ATRN: variants seen among roughly 807,000 people sequenced by gnomAD.
The protein encoded by ATRN is attractin-2.
A neutral mutation model predicts 178.7 loss-of-function variants in ATRN; 54 were observed. The observed-to-expected ratio is 0.30, with a 90% CI of 0.24 to 0.38. The LOEUF is 0.38. Among genes scored for constraint, ATRN ranks in the 10% least tolerant of loss-of-function variants. ATRN has a pLI of 1.00. For synonymous variants in ATRN, 636 were observed against 663.0 expected, an observed-to-expected ratio of 0.96 and a Z score of 0.63; for missense variants, 1,443 against 1,815.1, an observed-to-expected ratio of 0.79 and a Z score of 3.73.
At chr20:3,497,125 T>A (rs1203661233) in intron 1 of ATRN, among the ~76,000 whole-genome samples, 2 of 149,846 alleles carry the variant, frequency 1.3e-5, no homozygotes, top group Admixed American at 1.3e-4. Context: ...AATTTGCCAG[T>A]CTGTGTCTTT....
intron 24 of ATRN, among the ~76,000 whole-genome samples, chr20:3,618,842 G>GGTGGTT (rs10668675): frequency 7.9e-5 from 12 of 151,878 alleles, no homozygotes; most frequent in African/African-American, 1.5e-4. Flanking sequence ...TGGTGGTGGT[G>GGTGGTT]GTTTTGTTTC....
intron 11 of ATRN, among the ~76,000 whole-genome samples, chr20:3,566,707 C>T (rs2086040753): frequency 6.6e-6 from 1 of 151,858 alleles, no homozygotes; most frequent in Admixed American, 6.6e-5. Context: ...AGTTCCAGAC[C>T]ACCCTGGTCA....
chr20:3,579,353 G>A (rs1271546283), intron 15 of ATRN, among the ~76,000 whole-genome samples: 3 of 152,266 alleles, frequency 2.0e-5, no homozygotes, highest in South Asian at 4.2e-4. Flanking sequence ...AGGCATGGTG[G>A]TGTGCGCCTG....
intron 15 of ATRN, among the ~76,000 whole-genome samples, chr20:3,579,171 A>G (rs2086249531): frequency 6.6e-6 from 1 of 152,066 alleles, no homozygotes; most frequent in African/African-American, 2.4e-5. Context: ...AGTGCATAAG[A>G]CTGTATAATT....
At chr20:3,608,504 A>G (rs1218295814) in intron 24 of ATRN, among the ~76,000 whole-genome samples, 2 of 152,124 alleles carry the variant, frequency 1.3e-5, no homozygotes. Flanking sequence ...CATTATTGAA[A>G]ACCAGTTGGC....
At chr20:3,620,632 T>G (rs143656464) in intron 24 of ATRN, among the ~76,000 whole-genome samples, 110 of 152,190 alleles carry the variant, frequency 7.2e-4, no homozygotes, top group Non-Finnish European at 9.0e-4. Context: ...CTTAAAGATA[T>G]AGAGACAGGG....
intron 22 of ATRN, among the ~76,000 whole-genome samples, chr20:3,599,250 T>C (rs1050906079): frequency 3.3e-5 from 5 of 152,190 alleles, no homozygotes; most frequent in African/African-American, 1.2e-4. Flanking sequence ...AAAAGTACCA[T>C]ATATGAAATG....
intron 24 of ATRN, among the ~76,000 whole-genome samples, chr20:3,613,945 T>C (rs2086802884): frequency 6.6e-6 from 1 of 152,196 alleles, no homozygotes; most frequent in East Asian, 1.9e-4. Flanking sequence ...TGTGTAAGCA[T>C]TGGGGCTTTA....
chr20:3,645,977 G>A lies in ATRN; in HGVS notation c.4166-746G>A, dbSNP rs1027564673. On this transcript the variant is annotated intron_variant, in intron 28 of 28. Transcript: ENST00000262919. This position sits in a 1 kb window ranked among gnomAD's most constrained non-coding sequence, Gnocchi z 4.7. ...TGCAAGTCCCCAAAGCAAAGTGGGCGGCGGGGCAGTGATGAGCATAAAGGG... is the reference window on the plus strand; with the variant it reads ...TGCAAGTCCCCAAAGCAAAGTGGGCAGCGGGGCAGTGATGAGCATAAAGGG... Among the ~76,000 whole-genome samples, 9 of 152,192 alleles carry A rather than the reference G, an allele frequency of 5.9e-5. No individual in the cohort carries two copies. Among genetic ancestry groups the A allele is most frequent in the Admixed American group, 2.6e-4 (4 of 15,282 alleles).
At chr20:3,537,116 T>C (rs1207281156) in intron 2 of ATRN, among the ~76,000 whole-genome samples, 1 of 152,238 alleles carries the variant, frequency 6.6e-6, no homozygotes, top group Non-Finnish European at 1.5e-5. Flanking sequence ...CATTACATAA[T>C]ATTTTAAAAA....
Position 3,476,849 on chromosome 20 carries a change from A to G in ATRN, c.410+5332A>G, listed in dbSNP as rs375116965. Among the ~76,000 whole-genome samples the G allele has an allele frequency of 4.3e-4, 66 of 152,364 alleles. 1 individual carries two copies. The highest frequency in any genetic ancestry group is 1.5e-3 in the African/African-American group (62 of 41,580). ...CACTCCAGCCTGGACAACAAAAGCAAAACTCTGTCTCGAAAGAAAGAAAGA... is the reference window on the plus strand; with the variant it reads ...CACTCCAGCCTGGACAACAAAAGCAGAACTCTGTCTCGAAAGAAAGAAAGA... On this transcript the variant is annotated intron_variant, in intron 1 of 28. Transcript: ENST00000262919.
chr20:3,487,726 G>A lies in ATRN; in HGVS notation c.410+16209G>A, dbSNP rs57429778. The stretch of plus-strand genomic sequence containing the variant: ...ATTCTGACCTGGGGCTACTTTCTAT[G>A]TTAATTTTATTTTCTTATGGGTACC... On this transcript the variant is annotated intron_variant, in intron 1 of 28. Coordinates refer to ENST00000262919, the MANE Select transcript of ATRN (RefSeq NM_139321.3). 3.7e-3 allele frequency among the ~76,000 whole-genome samples: 569 copies of A among 152,222 alleles called. 2 individuals are homozygous for A. Among genetic ancestry groups the A allele is most frequent in the African/African-American group, 0.013 (533 of 41,516 alleles).
At chr20:3,563,917 A>G (rs1215652628) in intron 10 of ATRN, among the ~76,000 whole-genome samples, 1 of 152,234 alleles carries the variant, frequency 6.6e-6, no homozygotes, top group Non-Finnish European at 1.5e-5. Context: ...TTAAATGTCT[A>G]GTTTAGTGAT....
In ATRN at chr20:3,576,996, C is replaced by A. The variant is rs767625518; in HGVS notation, c.2352C>A (p.Pro784=). 1 of 1,613,806 alleles carries A rather than the reference C, an allele frequency of 6.2e-7. No homozygotes were observed. Among genetic ancestry groups the A allele is most frequent in the Non-Finnish European group, 8.5e-7 (1 of 1,179,914 alleles). The change falls in exon 14 of 29, where the codon CCC becomes CCA. Residue 784 remains proline (P), a splice_region_variant and synonymous_variant. Coordinates refer to ENST00000262919, the MANE Select transcript of ATRN (RefSeq NM_139321.3). The part of the protein sequence containing the change: ...EPRNQECIAL[P]ENICGIGWHL... ...GGAATCAGGAGTGCATTGCCCTGCC[C>A]GGTAGGCCTTGCAGGGTCATCTTGG...
rs114302964 is a variant in ATRN, at chr20:3,639,153, T to G, written c.4050+218T>G. On this transcript the variant is annotated intron_variant, in intron 27 of 28. Transcript: ENST00000262919. ...GCTGAGCAGTCTTGTGTTCAGGGGA[T>G]TTTAAAATCTAAATGATTTGTCTGC... Among the ~76,000 whole-genome samples, 964 of 152,346 alleles carry G rather than the reference T, an allele frequency of 6.3e-3. 6 individuals carry two copies. Among genetic ancestry groups the G allele is most frequent in the African/African-American group, 0.021 (883 of 41,570 alleles).
chr20:3,602,055 G>A (rs549228198), intron 23 of ATRN, among the ~76,000 whole-genome samples: 19 of 152,158 alleles, frequency 1.2e-4, no homozygotes, highest in East Asian at 1.2e-3. Flanking sequence ...CTGGCAGGGC[G>A]TGATAGCTCA....
rs769397581 is a variant in ATRN at position 3,589,132 on chromosome 20, G to A, written c.3185-2037G>A. On this transcript the variant is annotated intron_variant, in intron 18 of 28. Transcript: ENST00000262919. The stretch of plus-strand genomic sequence containing the variant: ...CAAGTAGCTGGGACTACAGGCGCAC[G>A]CCACCACTCCTAGCTAATTTTTTAT... 3.3e-5 allele frequency among the ~76,000 whole-genome samples: 5 copies of A among 151,748 alleles called. No individual in the cohort carries two copies. In the South Asian group the frequency reaches 8.3e-4, roughly 25 times the overall value.
chr20:3,589,191 G>C (rs1280167453), intron 18 of ATRN, among the ~76,000 whole-genome samples: 1 of 151,674 alleles, frequency 6.6e-6, no homozygotes, highest in African/African-American at 2.4e-5. Context: ...GTAGAGACAG[G>C]GTTTTACCAT....
chr20:3,591,132 C>G, intron 18 of ATRN, 37 bp from the exon 19 acceptor site: 1 of 1,560,920 alleles, frequency 6.4e-7, no homozygotes. Context: ...TGCAGTTCTT[C>G]CATGGTACAG....
Sources: gnomAD v4.1 joint callset for allele counts (sites outside exome capture counted in the v4.1 genomes callset) on GRCh38, gnomAD v4.1.1 for gene constraint, Gnocchi (gnomAD v3.1) non-coding constraint, MANE v1.5 for transcripts, NCBI Gene and HGNC (gene_info 2026-07-23, HGNC 2026-07-21) for gene names.